The following UFM1 variants were observed in gnomAD, a reference collection of about 807,000 sequenced individuals.
UFM1 encodes the protein ubiquitin fold modifier 1, also known as ubiquitin-fold modifier 1.
A neutral mutation model predicts 15.4 loss-of-function variants in UFM1; 9 were observed. The ratio of observed to expected loss-of-function variants is 0.59; its 90% CI spans 0.35 to 1.02. The LOEUF is 1.02. UFM1 is among the 50% of genes least tolerant of loss of function. UFM1 has a pLI of 0.02. For missense variants in UFM1, 98 were observed against 104.7 expected (o/e 0.94, Z 0.28); for synonymous variants, 27 against 36.3 (o/e 0.74, Z 0.92).
intron 5 of UFM1, chr13:38,360,041 G>A: frequency 5.0e-6 from 2 of 401,638 alleles, no homozygotes; most frequent in South Asian, 1.9e-5. Flanking sequence ...GTTTTCACAG[G>A]CCTTGCAGTT....
At chr13:38,353,229 A>T (rs1878942072) in intron 2 of UFM1, among the ~76,000 whole-genome samples, 1 of 152,126 alleles carries the variant, frequency 6.6e-6, no homozygotes, top group South Asian at 2.1e-4. Context: ...CTGAGTGAGG[A>T]GCCTGGGCAT....
At chr13:38,360,571 G>A in intron 5 of UFM1, 140 bp from the exon 6 acceptor site, 2 of 554,860 alleles carry the variant, frequency 3.6e-6, no homozygotes, top group Non-Finnish European at 6.1e-6. Context: ...TAAAAAGCTT[G>A]GAATTGGGGT....
chr13:38,356,646 G>A (rs2455410), intron 3 of UFM1, among the ~76,000 whole-genome samples: 146,576 of 147,504 alleles, frequency 0.99, 72,830 homozygotes, highest in Middle Eastern at 1. Context: ...AATGATTATA[G>A]ATGCCTAGAG....
intron 2 of UFM1, chr13:38,350,309 C>T (rs1878778097): frequency 2.8e-6 from 4 of 1,413,008 alleles, no homozygotes; most frequent in South Asian, 2.5e-5. Context: ...TAGTGACCTC[C>T]CCTCGGAATT....
Position 38,361,896 on chromosome 13 carries a change from T to C in UFM1, c.*1118T>C, listed in dbSNP as rs1378712950. On this transcript the variant is annotated 3_prime_UTR_variant, in exon 6 of 6. Coordinates refer to ENST00000239878, the MANE Select transcript of UFM1 (RefSeq NM_016617.4). ...GAACTGAAAGGGAAAACAAAATACT[T>C]GACATAGTCTTAAGTAGAAGAAGGC... The C allele has an allele frequency of 6.6e-6, 1 of 152,222 alleles. No homozygotes were observed. Among genetic ancestry groups the C allele is most frequent in the Non-Finnish European group, 1.5e-5 (1 of 68,052 alleles). 9.4% of individuals were successfully genotyped at this position (152,222 alleles called of 1,614,324 possible). A position where few individuals can be genotyped will look rare whatever the true frequency, so the allele number is the denominator to read the frequency against.
chr13:38,352,781 T>C (rs2140052288), intron 2 of UFM1, among the ~76,000 whole-genome samples: 1 of 152,302 alleles, frequency 6.6e-6, no homozygotes. Context: ...TAGAAACTTA[T>C]TTTAATGAGC....
At chr13:38,354,565 T>G in intron 3 of UFM1, 1 of 312,778 alleles carries the variant, frequency 3.2e-6, no homozygotes, top group Non-Finnish European at 5.8e-6. Context: ...ACTAAAAAGG[T>G]GCTGATTTTT....
At chr13:38,356,588 A>G (rs956143235) in intron 3 of UFM1, among the ~76,000 whole-genome samples, 1 of 150,966 alleles carries the variant, frequency 6.6e-6, no homozygotes, top group African/African-American at 2.4e-5. Context: ...TGATTCTTCA[A>G]TTTCTAATTT....
intron 2 of UFM1, among the ~76,000 whole-genome samples, chr13:38,352,096 TTC>T (rs1391710499): frequency 8.6e-6 from 1 of 116,796 alleles, no homozygotes; most frequent in Non-Finnish European, 1.7e-5. Context: ...TTTTTTTTCT[TTC>T]TTTCTTTTTT....
Position 38,360,712 on chromosome 13 carries a change from A to T in UFM1, c.192A>T (p.Gly64=). 1.2e-6 allele frequency: 2 copies of T among 1,601,974 alleles called. No homozygotes were observed. Among genetic ancestry groups the T allele is most frequent in the Non-Finnish European group, 1.7e-6 (2 of 1,173,890 alleles). Reference sequence around the variant, plus strand: ...TTTATGTTTTGTTTGTTTGTATAGGAAATGTTTTTCTAAAACATGGTTCAG... The same window carrying T: ...TTTATGTTTTGTTTGTTTGTATAGGTAATGTTTTTCTAAAACATGGTTCAG... ...GIGINPAQTA[G]NVFLKHGSEL... is the part of the protein sequence containing the mutation. Residue 64 remains glycine (G), a splice_region_variant and synonymous_variant, in exon 6 of 6, where the codon GGA becomes GGT. Transcript: ENST00000239878.
intron 3 of UFM1, among the ~76,000 whole-genome samples, chr13:38,357,616 A>T (rs1285217870): frequency 6.6e-6 from 1 of 151,960 alleles, no homozygotes; most frequent in South Asian, 2.1e-4. Context: ...TCTGCATAAA[A>T]CTTTTTTATT....
rs899521248 is a variant in UFM1, at chr13:38,363,326, C to G, written c.*2548C>G. 1.3e-5 allele frequency: 2 copies of G among 152,026 alleles called. No individual in the cohort carries two copies. The highest frequency in any genetic ancestry group is 2.9e-5 in the Non-Finnish European group (2 of 68,018). The allele number at this position is 152,026 out of a possible 1,614,324, so 9.4% of individuals were successfully genotyped here. ...AGGTTTGTAGCCTAGGAGCAATAGG[C>G]CATACCAAATAGCCTAAGTTTGTAG... On this transcript the variant is annotated 3_prime_UTR_variant, in exon 6 of 6. Coordinates refer to ENST00000239878, the MANE Select transcript of UFM1 (RefSeq NM_016617.4).
chr13:38,359,995 T>C (rs775009802), intron 5 of UFM1: 1 of 341,672 alleles, frequency 2.9e-6, no homozygotes. Flanking sequence ...TTAAATTATA[T>C]TCTAAAGTAT....
chr13:38,360,382 T>C (rs1248911421), intron 5 of UFM1, among the ~76,000 whole-genome samples: 2 of 152,052 alleles, frequency 1.3e-5, no homozygotes, highest in African/African-American at 2.4e-5. Context: ...TTGTCACTTG[T>C]AGTAATTTAC....
intron 1 of UFM1, 24 bp downstream of exon 1, chr13:38,349,945 C>T (rs772840051): frequency 7.4e-6 from 12 of 1,613,876 alleles, no homozygotes; most frequent in Non-Finnish European, 1.0e-5. Context: ...TACCGACTGC[C>T]ATAATTCCTG....
chr13:38,352,106 T>C (rs563721330), intron 2 of UFM1, among the ~76,000 whole-genome samples: 416 of 148,298 alleles, frequency 2.8e-3, no homozygotes, highest in African/African-American at 9.4e-3. Context: ...TTCTTTCTTT[T>C]TTTTTTTTTT....
At position 38,351,865 on chromosome 13, in the gene UFM1, ATG is replaced by A. The variant is rs755856098; in HGVS notation, c.59+1819_59+1820del. On this transcript the variant is annotated intron_variant, in intron 2 of 5. Transcript: ENST00000239878. Reference sequence around the variant, plus strand: ...TAGTTGTGTGTGTATGTGTATAAGGATGTGTGTGTGGAAAATTCACATAACGT... The same window carrying A: ...TAGTTGTGTGTGTATGTGTATAAGGATGTGTGTGGAAAATTCACATAACGT... Among the ~76,000 whole-genome samples the A allele has an allele frequency of 3.9e-5, 6 of 152,166 alleles. No homozygotes were observed. The South Asian group carries it at 6.2e-4, about 16-fold the overall frequency.
At chr13:38,358,214 A>G in intron 4 of UFM1, 82 bp downstream of exon 4, 1 of 874,036 alleles carries the variant, frequency 1.1e-6, no homozygotes, top group East Asian at 3.0e-5. Context: ...AAAATTAAAT[A>G]CAAAAAGCCC....
At chr13:38,349,951 TC>T in intron 1 of UFM1, 30 bp downstream of exon 1, 1 of 1,614,006 alleles carries the variant, frequency 6.2e-7, no homozygotes. Flanking sequence ...CTGCCATAAT[TC>T]CTGGTCCAGC....
Sources: allele counts gnomAD v4.1 joint callset (sites outside exome capture counted in the v4.1 genomes callset), GRCh38; gene constraint gnomAD v4.1.1; transcripts MANE v1.5; gene names NCBI Gene and HGNC (gene_info 2026-07-23, HGNC 2026-07-21).